Variants in ESRRG observed in about 807,000 individuals in gnomAD.
ESRRG encodes the protein estrogen related receptor gamma.
Under a neutral mutation model 44.0 loss-of-function variants are expected in ESRRG, and 13 were observed. That is an observed-to-expected ratio of 0.30 (90% confidence interval 0.19 to 0.47). The LOEUF is 0.47. Among genes scored for constraint, ESRRG ranks in the 20% least tolerant of loss-of-function variants. ESRRG has a pLI of 1.00. For missense variants in ESRRG, 395 were observed against 580.6 expected (o/e 0.68, Z 3.29); for synonymous variants, 215 against 214.6 (o/e 1.00, Z -0.02).
At chr1:217,087,104 A>C (rs1250443940) in intron 1 of ESRRG, among the ~76,000 whole-genome samples, 1 of 152,210 alleles carries the variant, frequency 6.6e-6, no homozygotes, top group Non-Finnish European at 1.5e-5. Context: ...ATGTCTGTGC[A>C]GAAGAAAAAA....
At chr1:217,043,480 C>G (rs1236896307) in intron 1 of ESRRG, among the ~76,000 whole-genome samples, 1 of 152,178 alleles carries the variant, frequency 6.6e-6, no homozygotes, top group Non-Finnish European at 1.5e-5. Context: ...GTTATATTTC[C>G]TAAAATGAAA....
chr1:217,068,353 C>CT (rs5780959), intron 1 of ESRRG, among the ~76,000 whole-genome samples: 32,231 of 146,736 alleles, frequency 0.22, 3,576 homozygotes, highest in Non-Finnish European at 0.25. Context: ...TCTTAGGAGT[C>CT]TTTTTTTTTT....
chr1:216,585,704 A>T lies in ESRRG; in HGVS notation c.590-17606T>A, dbSNP rs966745179. ...AGAAAAATAGGCCCAATCAAATCATATAAATTTTATTGATCCTAATAACTG... is the reference window on the plus strand; with the variant it reads ...AGAAAAATAGGCCCAATCAAATCATTTAAATTTTATTGATCCTAATAACTG... On this transcript the variant is annotated intron_variant, in intron 3 of 6. Transcript: ENST00000408911. Among the ~76,000 whole-genome samples, 3 of 152,218 alleles carry T rather than the reference A, an allele frequency of 2.0e-5. No individual in the cohort carries two copies. The South Asian group carries it at 6.2e-4, about 31-fold the overall frequency.
At chr1:216,811,041 T>C (rs2094953592) in intron 2 of ESRRG, among the ~76,000 whole-genome samples, 4 of 151,974 alleles carry the variant, frequency 2.6e-5, no homozygotes, top group Non-Finnish European at 5.9e-5. Context: ...CAAAAATAAA[T>C]TTCAGAAACT....
At position 217,002,300 on chromosome 1, in the gene ESRRG, T is replaced by TA. The variant is rs532552405; in HGVS notation, c.-105-62628dup. The stretch of plus-strand genomic sequence containing the variant: ...CTGGGCATCAGAGTGAGATTCTGTC[T>TA]AAAAAAAAAAAAAAGAAAGAAAGAA... On this transcript the variant is annotated intron_variant, in intron 1 of 7. Transcript: ENST00000359162. Among the ~76,000 whole-genome samples the TA allele has an allele frequency of 2.6e-3, 252 of 97,660 alleles. 4 individuals are homozygous for TA. The highest frequency in any genetic ancestry group is 3.3e-3 in the African/African-American group (102 of 31,158). 64.1% of individuals were successfully genotyped at this position (97,660 alleles called of 152,430 possible).
chr1:216,511,650 G>C (rs936574007), intron 6 of ESRRG, among the ~76,000 whole-genome samples: 7 of 151,760 alleles, frequency 4.6e-5, no homozygotes, highest in African/African-American at 1.7e-4. Flanking sequence ...AGGAAGAATG[G>C]CCAACCCTGG....
chr1:216,780,231 G>C (rs552383653), intron 2 of ESRRG, among the ~76,000 whole-genome samples: 9 of 151,984 alleles, frequency 5.9e-5, no homozygotes, highest in Admixed American at 5.9e-4. Flanking sequence ...TGGATTCCAA[G>C]CTTAACAAAT....
At chr1:216,848,865 A>C (rs1475938315) in intron 2 of ESRRG, among the ~76,000 whole-genome samples, 1 of 151,900 alleles carries the variant, frequency 6.6e-6, no homozygotes. Context: ...CTAGCGCTGG[A>C]TATGCATTAG....
At chr1:216,626,827 A>T (rs996239516) in intron 3 of ESRRG, among the ~76,000 whole-genome samples, 5 of 152,158 alleles carry the variant, frequency 3.3e-5, no homozygotes, top group African/African-American at 1.2e-4. Context: ...CTGCAGTCTG[A>T]CTCATTGTTC....
At chr1:216,679,554 A>T (rs1250117686) in intron 1 of ESRRG, among the ~76,000 whole-genome samples, 1 of 151,926 alleles carries the variant, frequency 6.6e-6, no homozygotes, top group African/African-American at 2.4e-5. Flanking sequence ...TCCAGCACTG[A>T]ATTTCCCACA....
intron 3 of ESRRG, among the ~76,000 whole-genome samples, chr1:216,592,751 C>T (rs1237149018): frequency 2.0e-5 from 3 of 152,158 alleles, no homozygotes; most frequent in Admixed American, 6.5e-5. Context: ...CTGTCCACCT[C>T]GGCCTCCCAA....
intron 2 of ESRRG, among the ~76,000 whole-genome samples, chr1:216,899,168 T>C (rs1319241175): frequency 2.0e-5 from 3 of 152,204 alleles, no homozygotes; most frequent in East Asian, 1.9e-4. Context: ...TTATAGATAA[T>C]GACAAGAAAG....
chr1:216,527,844 G>A (rs2048143917), intron 5 of ESRRG, among the ~76,000 whole-genome samples: 1 of 152,170 alleles, frequency 6.6e-6, no homozygotes, highest in Non-Finnish European at 1.5e-5. Context: ...ACAGAGCTGA[G>A]TGTAAGTGAC....
chr1:217,012,603 G>C (rs1456269381), intron 1 of ESRRG, among the ~76,000 whole-genome samples: 3 of 152,142 alleles, frequency 2.0e-5, no homozygotes. Flanking sequence ...GGAAATTACA[G>C]AGTACAAGAA....
intron 1 of ESRRG, among the ~76,000 whole-genome samples, chr1:216,972,245 T>A (rs1163554014): frequency 6.6e-6 from 1 of 152,182 alleles, no homozygotes; most frequent in African/African-American, 2.4e-5. Flanking sequence ...AGTCAAGTGG[T>A]CAGCAATCTA....
At chr1:217,068,780 C>T (rs955137070) in intron 1 of ESRRG, among the ~76,000 whole-genome samples, 1 of 152,206 alleles carries the variant, frequency 6.6e-6, no homozygotes, top group Non-Finnish European at 1.5e-5. Context: ...GTCACATGAC[C>T]TTCTGAAGAA....
At position 216,670,588 on chromosome 1, in the gene ESRRG, A is replaced by C. The variant is rs76709301; in HGVS notation, c.472+6488T>G. Among the ~76,000 whole-genome samples the C allele has an allele frequency of 2.1e-3, 326 of 152,230 alleles. 3 individuals carry two copies. Among genetic ancestry groups the C allele is most frequent in the African/African-American group, 7.7e-3 (320 of 41,532 alleles). On this transcript the variant is annotated intron_variant, in intron 2 of 6. Coordinates refer to ENST00000408911, the MANE Select transcript of ESRRG (RefSeq NM_001438.4). ...TGATCCTGAGTACCTGAGACCCTCAAACTCCCTGGCTAGATCACCACAAGC... is the reference window on the plus strand; with the variant it reads ...TGATCCTGAGTACCTGAGACCCTCACACTCCCTGGCTAGATCACCACAAGC...
At chr1:217,093,973 C>T (rs12134593), upstream of ESRRG, among the ~76,000 whole-genome samples, 3,036 of 152,130 alleles carry the variant, frequency 0.02, 61 homozygotes, top group Middle Eastern at 0.034. Flanking sequence ...ACCTCAAACT[C>T]CTGGGCTCAA....
At chr1:216,780,831 C>T (rs1283751373) in intron 2 of ESRRG, among the ~76,000 whole-genome samples, 1 of 151,960 alleles carries the variant, frequency 6.6e-6, no homozygotes, top group East Asian at 1.9e-4. Flanking sequence ...TATGTCCTCT[C>T]TGATTGTAGC....
Sources: allele counts gnomAD v4.1 joint callset (sites outside exome capture counted in the v4.1 genomes callset), GRCh38; gene constraint gnomAD v4.1.1; transcripts MANE v1.5; gene names NCBI Gene and HGNC (gene_info 2026-07-23, HGNC 2026-07-21).